Variants in PAK5 observed in about 807,000 individuals in gnomAD.
The protein encoded by PAK5 is serine/threonine-protein kinase PAK 5.
Under a neutral mutation model 65.9 loss-of-function variants are expected in PAK5, and 16 were observed. The ratio of observed to expected loss-of-function variants is 0.24; its 90% CI spans 0.16 to 0.37. The LOEUF is 0.37. Among genes scored for constraint, PAK5 ranks in the 10% least tolerant of loss-of-function variants. The pLI is 1.00. For synonymous variants in PAK5, 371 were observed against 354.9 expected, an observed-to-expected ratio of 1.05 and a Z score of -0.51; for missense variants, 785 against 903.9, an observed-to-expected ratio of 0.87 and a Z score of 1.69.
intron 2 of PAK5, among the ~76,000 whole-genome samples, chr20:9,704,175 T>C (rs1353580698): frequency 2.0e-5 from 3 of 152,152 alleles, no homozygotes; most frequent in Non-Finnish European, 4.4e-5. Context: ...TTGGCAGCCC[T>C]ACCAGCCTTA....
At chr20:9,796,716 G>A (rs2049109177) in intron 1 of PAK5, among the ~76,000 whole-genome samples, 1 of 152,108 alleles carries the variant, frequency 6.6e-6, no homozygotes, top group Non-Finnish European at 1.5e-5. Flanking sequence ...GCTTGGTCTA[G>A]AGTTGGGGCA....
chr20:9,804,224 T>C (rs937795803), intron 1 of PAK5, among the ~76,000 whole-genome samples: 2 of 152,200 alleles, frequency 1.3e-5, no homozygotes, highest in Non-Finnish European at 2.9e-5. Flanking sequence ...TTCTCAACAT[T>C]GACCCCAGAG....
chr20:9,564,185 C>A (rs1291899008), intron 5 of PAK5, among the ~76,000 whole-genome samples: 5 of 152,140 alleles, frequency 3.3e-5, no homozygotes, highest in Non-Finnish European at 5.9e-5. Flanking sequence ...CATAAAATTA[C>A]TAAAAGAATA....
intron 7 of PAK5, among the ~76,000 whole-genome samples, chr20:9,552,013 A>G (rs1009859499): frequency 6.6e-6 from 1 of 152,252 alleles, no homozygotes; most frequent in African/African-American, 2.4e-5. Flanking sequence ...GCAGGGCACC[A>G]ACGGCATTTG....
chr20:9,790,075 A>G (rs2049033937), intron 1 of PAK5, among the ~76,000 whole-genome samples: 1 of 152,138 alleles, frequency 6.6e-6, no homozygotes. Context: ...CCCATTTCCC[A>G]AACAGCTTTT....
At chr20:9,815,977 C>T (rs1238289390) in intron 1 of PAK5, among the ~76,000 whole-genome samples, 1 of 152,154 alleles carries the variant, frequency 6.6e-6, no homozygotes, top group Non-Finnish European at 1.5e-5. Flanking sequence ...CAAAGTCACA[C>T]TACAATAGAA....
intron 1 of PAK5, among the ~76,000 whole-genome samples, chr20:9,802,934 G>A (rs1229835779): frequency 7.6e-3 from 100 of 13,102 alleles, no homozygotes; most frequent in East Asian, 0.012. Flanking sequence ...ATATATATAT[G>A]AATTACTAAT....
rs115969862 is a variant in PAK5 at position 9,574,380 on chromosome 20, C to G, written c.990+5765G>C. On this transcript the variant is annotated intron_variant, in intron 4 of 9. Transcript: ENST00000353224. Reference sequence around the variant, plus strand: ...GAATTGGCATATCCAATTAACCCCCCACAGTTGCTGCTTCAAACTCAAAGA... The same window carrying G: ...GAATTGGCATATCCAATTAACCCCCGACAGTTGCTGCTTCAAACTCAAAGA... Among the ~76,000 whole-genome samples the G allele has an allele frequency of 1.3e-4, 20 of 152,288 alleles. 1 individual carries two copies. The South Asian group carries it at 1.7e-3, about 13-fold the overall frequency.
chr20:9,583,861 G>A (rs951668188), intron 3 of PAK5, among the ~76,000 whole-genome samples: 1 of 152,186 alleles, frequency 6.6e-6, no homozygotes, highest in Admixed American at 6.5e-5. Context: ...ATATCATATG[G>A]ATGGAATCAT....
chr20:9,674,691 A>G (rs1165506578), intron 2 of PAK5, among the ~76,000 whole-genome samples: 2 of 152,148 alleles, frequency 1.3e-5, no homozygotes, highest in Non-Finnish European at 2.9e-5. Context: ...TTATTGAGGG[A>G]GTGCTTTCAG....
chr20:9,805,698 A>T (rs2049223308), intron 1 of PAK5, among the ~76,000 whole-genome samples: 2 of 152,200 alleles, frequency 1.3e-5, no homozygotes, highest in South Asian at 4.1e-4. Context: ...ATCCATGGAG[A>T]CACAAAGAAG....
intron 4 of PAK5, among the ~76,000 whole-genome samples, chr20:9,576,902 T>A (rs1372494524): frequency 1.3e-5 from 2 of 152,132 alleles, no homozygotes; most frequent in African/African-American, 4.8e-5. Context: ...AATGAACTGG[T>A]GGGATTGTTA....
intron 1 of PAK5, among the ~76,000 whole-genome samples, chr20:9,783,295 C>A (rs1301196730): frequency 6.6e-6 from 1 of 152,152 alleles, no homozygotes; most frequent in Non-Finnish European, 1.5e-5. Flanking sequence ...AGAGTACTGA[C>A]ATAAGAGGCA....
intron 2 of PAK5, among the ~76,000 whole-genome samples, chr20:9,670,502 T>G (rs920437450): frequency 2.6e-5 from 4 of 152,214 alleles, no homozygotes; most frequent in African/African-American, 9.6e-5. Flanking sequence ...TGGTTTTGAT[T>G]AGCATTTCTC....
intron 2 of PAK5, among the ~76,000 whole-genome samples, chr20:9,684,169 C>G (rs1216873750): frequency 6.6e-6 from 1 of 152,184 alleles, no homozygotes; most frequent in African/African-American, 2.4e-5. Flanking sequence ...ACTGTGACTA[C>G]AGAGATACTG....
At chr20:9,553,557 A>AGTGT (rs34241978) in intron 7 of PAK5, among the ~76,000 whole-genome samples, 50 of 151,018 alleles carry the variant, frequency 3.3e-4, no homozygotes, top group East Asian at 2.5e-3. Context: ...TTATTTCATG[A>AGTGT]GTGTGTGTGT....
At chr20:9,575,330 C>G (rs1425184906) in intron 4 of PAK5, among the ~76,000 whole-genome samples, 1 of 152,122 alleles carries the variant, frequency 6.6e-6, no homozygotes, top group Non-Finnish European at 1.5e-5. Context: ...GCTAGGGCTA[C>G]AGTTGTGTGC....
In PAK5 at chr20:9,736,739, C is replaced by T. The variant is rs1009954771; in HGVS notation, c.-161-25304G>A. ...GTTTACAAGAAATAACTTTAAGTTTCGCTTATGTGGCCAAATTGGCTTTGT... is the reference window on the plus strand; with the variant it reads ...GTTTACAAGAAATAACTTTAAGTTTTGCTTATGTGGCCAAATTGGCTTTGT... On this transcript the variant is annotated intron_variant, in intron 1 of 9. Coordinates refer to ENST00000353224, the MANE Select transcript of PAK5 (RefSeq NM_177990.4). Among the ~76,000 whole-genome samples, 6 of 152,288 alleles carry T rather than the reference C, an allele frequency of 3.9e-5. No individual in the cohort carries two copies. The East Asian group carries it at 5.8e-4, about 15-fold the overall frequency.
intron 1 of PAK5, among the ~76,000 whole-genome samples, chr20:9,765,717 C>T (rs931781375): frequency 1.3e-5 from 2 of 152,148 alleles, no homozygotes; most frequent in African/African-American, 4.8e-5. Context: ...GAACATTTAA[C>T]AGCACATTCT....
Sources: gnomAD v4.1 joint callset for allele counts (sites outside exome capture counted in the v4.1 genomes callset) on GRCh38, gnomAD v4.1.1 for gene constraint, MANE v1.5 for transcripts, NCBI Gene and HGNC (gene_info 2026-07-23, HGNC 2026-07-21) for gene names.